The following RGS9 variants were observed in gnomAD, a reference collection of about 807,000 sequenced individuals.
The protein encoded by RGS9 is regulator of G-protein signalling 9.
In RGS9, 78 loss-of-function variants were observed where a neutral mutation model predicts 102.0. That is an observed-to-expected ratio of 0.76 (90% CI 0.64 to 0.92). RGS9 has a LOEUF of 0.92. Among genes scored for constraint, RGS9 ranks in the 40% least tolerant of loss-of-function variants. The pLI, the probability that RGS9 is intolerant of heterozygous loss-of-function variation, is 0.00. For missense variants in RGS9, 833 were observed against 866.1 expected (o/e 0.96, Z 0.48); for synonymous variants, 353 against 318.6 (o/e 1.11, Z -1.15).
intron 12 of RGS9, among the ~76,000 whole-genome samples, chr17:65,195,399 A>T (rs990334114): frequency 1.3e-5 from 2 of 152,212 alleles, no homozygotes; most frequent in Non-Finnish European, 2.9e-5. Flanking sequence ...TCCCCATTAA[A>T]GTGGGAAGCC....
At chr17:65,206,450 T>G (rs1264183161) in intron 15 of RGS9, among the ~76,000 whole-genome samples, 1 of 152,126 alleles carries the variant, frequency 6.6e-6, no homozygotes, top group African/African-American at 2.4e-5. Flanking sequence ...AAGGCTGAGG[T>G]GGGCAGATCA....
chr17:65,153,456 A>G lies in RGS9; in HGVS notation c.92A>G (p.Glu31Gly). 6.2e-7 allele frequency: 1 copy of G among 1,614,206 alleles called. No homozygotes were observed. Among genetic ancestry groups the G allele is most frequent in the South Asian group, 1.1e-5 (1 of 91,080 alleles). The change falls in exon 2 of 19, where the codon GAG becomes GGG. Residue 31 changes from glutamate to glycine, a missense_variant. Physicochemically the swap from Glu to Gly is moderately conservative, Grantham distance 98. Around this residue, in one of 3 missense-constraint regions of RGS9, gnomAD observed 328 missense variants for 340.6 expected, o/e 0.96. Coordinates refer to ENST00000262406, the MANE Select transcript of RGS9 (RefSeq NM_003835.4). ...CTCGTGAAGGACATGCAGAACCCAG[A>G]GACAGGGGTCCGAATGCAGAACCAG... ...EALVKDMQNPETGVRMQNQRV... is the reference protein window; with the variant it reads ...EALVKDMQNPGTGVRMQNQRV...
At chr17:65,201,621 TACG>T (rs565676408) in intron 13 of RGS9, among the ~76,000 whole-genome samples, 64 of 152,094 alleles carry the variant, frequency 4.2e-4, no homozygotes, top group African/African-American at 1.4e-3. Context: ...TAAAAAAGAG[TACG>T]ACAACCTCTG....
chr17:65,209,737 T>G (rs1913216346), intron 16 of RGS9, among the ~76,000 whole-genome samples: 1 of 152,238 alleles, frequency 6.6e-6, no homozygotes, highest in South Asian at 2.1e-4. Flanking sequence ...CTAGCTATTT[T>G]GGACAGTCCA....
chr17:65,165,254 A>G (rs1010814630), intron 7 of RGS9, among the ~76,000 whole-genome samples: 5 of 152,144 alleles, frequency 3.3e-5, no homozygotes, highest in Admixed American at 1.3e-4. Flanking sequence ...GTCCACCACC[A>G]AGGCCTTGGA....
chr17:65,167,076 G>T (rs1911214798), intron 7 of RGS9, among the ~76,000 whole-genome samples: 1 of 152,160 alleles, frequency 6.6e-6, no homozygotes, highest in Non-Finnish European at 1.5e-5. Context: ...TACAGAAGGG[G>T]GCCCACGGCG....
intron 11 of RGS9, among the ~76,000 whole-genome samples, chr17:65,193,128 T>A (rs995209697): frequency 6.8e-6 from 1 of 148,106 alleles, no homozygotes; most frequent in African/African-American, 2.5e-5. Flanking sequence ...AAAATTAGCC[T>A]GGCCTGGTGG....
intron 9 of RGS9, among the ~76,000 whole-genome samples, chr17:65,188,345 T>C (rs1212843821): frequency 1.3e-5 from 2 of 152,178 alleles, no homozygotes; most frequent in Non-Finnish European, 2.9e-5. Flanking sequence ...ATGACCCTGC[T>C]CCAACAGCTT....
intron 2 of RGS9, among the ~76,000 whole-genome samples, chr17:65,157,267 C>T (rs924827311): frequency 6.6e-6 from 1 of 152,032 alleles, no homozygotes; most frequent in African/African-American, 2.4e-5. Context: ...GGCATCTGCA[C>T]GATGGTATCT....
intron 1 of RGS9, among the ~76,000 whole-genome samples, chr17:65,138,603 C>T (rs1444049905): frequency 2.6e-5 from 4 of 152,000 alleles, no homozygotes; most frequent in Admixed American, 1.3e-4. Context: ...GTGTGGGTAT[C>T]ATCTGTAAAG....
At chr17:65,193,106 C>CAAAAAAAAA (rs372675773) in intron 11 of RGS9, among the ~76,000 whole-genome samples, 4 of 131,200 alleles carry the variant, frequency 3.0e-5, no homozygotes, top group African/African-American at 1.1e-4. Flanking sequence ...ACCAAAAATA[C>CAAAAAAAAA]AAAAAAAAAA....
chr17:65,158,718 G>A, intron 3 of RGS9: 1 of 377,430 alleles, frequency 2.6e-6, no homozygotes, highest in East Asian at 6.4e-5. Flanking sequence ...GAAATGGAAT[G>A]AGTGGAAAGT....
Position 65,153,448 on chromosome 17 carries a change from G to A in RGS9, c.84G>A (p.Gln28=), listed in dbSNP as rs1341490772. The change falls in exon 2 of 19, where the codon CAG becomes CAA. Residue 28 remains glutamine (Q), a synonymous_variant. Coordinates refer to ENST00000262406, the MANE Select transcript of RGS9 (RefSeq NM_003835.4). ...QKIEALVKDM[Q]NPETGVRMQN... ...TTGAAGCGCTCGTGAAGGACATGCA[G>A]AACCCAGAGACAGGGGTCCGAATGC... 4 of 1,614,054 alleles carry A rather than the reference G, an allele frequency of 2.5e-6. No individual in the cohort carries two copies. The highest frequency in any genetic ancestry group is 3.4e-6 in the Non-Finnish European group (4 of 1,180,016).
At chr17:65,199,820 A>G (rs8075414) in intron 13 of RGS9, among the ~76,000 whole-genome samples, 2,853 of 146,524 alleles carry the variant, frequency 0.019, 83 homozygotes, top group African/African-American at 0.067. Context: ...ATGACTGCAT[A>G]ATATTTCCTT....
intron 7 of RGS9, among the ~76,000 whole-genome samples, chr17:65,165,241 C>G (rs1021506438): frequency 1.3e-5 from 2 of 152,186 alleles, no homozygotes; most frequent in African/African-American, 4.8e-5. Flanking sequence ...GTGATCCCTG[C>G]AGGTCCACCA....
At chr17:65,217,490 T>TC (rs1913560092) in intron 17 of RGS9, among the ~76,000 whole-genome samples, 1 of 152,226 alleles carries the variant, frequency 6.6e-6, no homozygotes, top group African/African-American at 2.4e-5. Context: ...CTGGGGATTT[T>TC]GAGTGGGTGA....
At chr17:65,148,170 T>G (rs1295923762) in intron 1 of RGS9, among the ~76,000 whole-genome samples, 2 of 152,228 alleles carry the variant, frequency 1.3e-5, no homozygotes, top group Admixed American at 1.3e-4. Context: ...TCGTGTGGTA[T>G]TTGTCCTTCT....
intron 1 of RGS9, among the ~76,000 whole-genome samples, chr17:65,139,434 T>C (rs895164804): frequency 5.9e-5 from 9 of 151,916 alleles, no homozygotes; most frequent in African/African-American, 1.7e-4. Flanking sequence ...AGGATTCCGC[T>C]CCCACCATCT....
intron 15 of RGS9, 26 bp downstream of exon 15, chr17:65,204,327 G>A (rs369374230): frequency 8.7e-6 from 14 of 1,612,752 alleles, no homozygotes; most frequent in Non-Finnish European, 1.1e-5. Context: ...CTGTGGATAC[G>A]GGGTCCAGAT....
Sources: gnomAD v4.1 joint callset for allele counts (sites outside exome capture counted in the v4.1 genomes callset) on GRCh38, gnomAD v4.1.1 for gene constraint, gnomAD v4.1.1 regional missense constraint, MANE v1.5 for transcripts, NCBI Gene and HGNC (gene_info 2026-07-23, HGNC 2026-07-21) for gene names.